The following IL1RAPL2 variants were observed in gnomAD, a reference collection of about 807,000 sequenced individuals.
IL1RAPL2 encodes the protein interleukin 1 receptor accessory protein like 2, also known as X-linked interleukin-1 receptor accessory protein-like 2.
In IL1RAPL2, 3 loss-of-function variants were observed where a neutral mutation model predicts 44.1. That is an observed-to-expected ratio of 0.07 (90% CI 0.03 to 0.18). IL1RAPL2 has a LOEUF of 0.18. Ranked by LOEUF, IL1RAPL2 falls within the 10% of genes least tolerant of loss-of-function variation. The pLI, the probability that IL1RAPL2 is intolerant of heterozygous loss-of-function variation, is 1.00. For synonymous variants in IL1RAPL2, 181 were observed against 178.8 expected (o/e 1.01, Z -0.10); for missense variants, 391 against 496.4 (o/e 0.79, Z 2.02).
intron 6 of IL1RAPL2, among the ~76,000 whole-genome samples, chrX:105,710,202 C>T (rs2038197051): frequency 1.8e-5 from 2 of 110,589 alleles, no homozygotes; most frequent in South Asian, 7.8e-4. Flanking sequence ...TTATGGGTCT[C>T]AGTCTCTCTT....
intron 5 of IL1RAPL2, among the ~76,000 whole-genome samples, chrX:105,308,737 G>T (rs1011789399): frequency 8.9e-6 from 1 of 112,380 alleles, no homozygotes; most frequent in African/African-American, 3.2e-5. Flanking sequence ...TATGAGTAAA[G>T]CTGCTATAAA....
intron 2 of IL1RAPL2, among the ~76,000 whole-genome samples, chrX:104,920,191 A>G (rs955383098): frequency 1.3e-4 from 15 of 111,374 alleles, no homozygotes; most frequent in African/African-American, 4.9e-4. Flanking sequence ...CAAGCAATCA[A>G]TTGTGCTTGA....
At chrX:105,144,415 C>T (rs1184820802) in intron 2 of IL1RAPL2, among the ~76,000 whole-genome samples, 3 of 110,971 alleles carry the variant, frequency 2.7e-5, no homozygotes, top group East Asian at 5.7e-4. Context: ...CTTTTCACTC[C>T]GTTGAATCAC....
intron 2 of IL1RAPL2, among the ~76,000 whole-genome samples, chrX:104,888,177 G>A (rs1164058786): frequency 9.1e-6 from 1 of 109,710 alleles, no homozygotes. Flanking sequence ...AGCAGCATAA[G>A]TGGTTGGCAG....
At position 104,585,320 on chromosome X, in the gene IL1RAPL2, TTA is replaced by T. The variant is rs1342781315; in HGVS notation, c.-20+18276_-20+18277del. 2.0e-3 allele frequency among the ~76,000 whole-genome samples: 41 copies of T among 20,473 alleles called. 3 individuals carry two copies. The highest frequency in any genetic ancestry group is 0.012 in the African/African-American group (30 of 2,606). 17.8% of individuals were successfully genotyped at this position (20,473 alleles called of 115,157 possible). A position where few individuals can be genotyped will look rare whatever the true frequency, so the allele number is the denominator to read the frequency against. ...TATATTATATATTATATAATATATA[TTA>T]TATATAATATATATTATATATTATA... On this transcript the variant is annotated intron_variant, in intron 1 of 10. Transcript: ENST00000372582.
intron 2 of IL1RAPL2, among the ~76,000 whole-genome samples, chrX:105,030,656 G>C (rs781474544): frequency 8.9e-6 from 1 of 111,773 alleles, no homozygotes; most frequent in Non-Finnish European, 1.9e-5. Flanking sequence ...TAGCCTTGTA[G>C]TGTAGTTTGA....
At chrX:104,632,098 G>A (rs1307943920) in intron 1 of IL1RAPL2, among the ~76,000 whole-genome samples, 1 of 111,434 alleles carries the variant, frequency 9.0e-6, no homozygotes, top group Non-Finnish European at 1.9e-5. Flanking sequence ...TTAAATAGGG[G>A]ATTGTTTCCC....
intron 7 of IL1RAPL2, among the ~76,000 whole-genome samples, chrX:105,728,912 CTT>C (rs10617025): frequency 0.042 from 4,707 of 110,761 alleles, 269 homozygotes; most frequent in African/African-American, 0.14. Flanking sequence ...AACCAATGAT[CTT>C]TTTTTAGTCT....
intron 2 of IL1RAPL2, among the ~76,000 whole-genome samples, chrX:104,777,541 AATTATTATTATTATTATTATT>A (rs376271609): frequency 6.3e-4 from 54 of 85,310 alleles, no homozygotes; most frequent in East Asian, 1.1e-3. Flanking sequence ...CTCTGCTTTC[AATTATTATTATTATTATTATT>A]ATTATTATTA....
chrX:104,724,221 A>T (rs1931741946), intron 2 of IL1RAPL2, among the ~76,000 whole-genome samples: 1 of 111,370 alleles, frequency 9.0e-6, no homozygotes, highest in South Asian at 3.7e-4. Flanking sequence ...TAAACTGATA[A>T]ATAGTCTGAG....
chrX:105,443,977 C>T (rs1348003260), intron 5 of IL1RAPL2, among the ~76,000 whole-genome samples: 1 of 112,139 alleles, frequency 8.9e-6, no homozygotes, highest in African/African-American at 3.2e-5. Flanking sequence ...CAAGGGTTCC[C>T]TTTTCTCCAC....
intron 5 of IL1RAPL2, among the ~76,000 whole-genome samples, chrX:105,361,805 A>G (rs2035250081): frequency 8.9e-6 from 1 of 111,992 alleles, no homozygotes; most frequent in Non-Finnish European, 1.9e-5. Context: ...TTTCAAGTCT[A>G]TGTAGAAGCA....
intron 5 of IL1RAPL2, among the ~76,000 whole-genome samples, chrX:105,281,577 C>T (rs994994222): frequency 9.0e-6 from 1 of 111,529 alleles, no homozygotes; most frequent in Non-Finnish European, 1.9e-5. Flanking sequence ...TTTTACTGTA[C>T]CTTTTCTATG....
At chrX:104,689,795 T>C (rs1233921680) in intron 2 of IL1RAPL2, among the ~76,000 whole-genome samples, 1 of 111,938 alleles carries the variant, frequency 8.9e-6, no homozygotes, top group Non-Finnish European at 1.9e-5. Context: ...TGCTAAGTGA[T>C]AGAACTTCAG....
In IL1RAPL2 at chrX:105,220,555, C is replaced by A; in HGVS notation, c.357-13263C>A. 4 of 490,885 alleles carry A rather than the reference C, an allele frequency of 8.1e-6. No homozygotes were observed. In the South Asian group the frequency reaches 1.4e-4, roughly 18 times the overall value. The allele number at this position is 490,885 out of a possible 1,213,427, so 40.5% of individuals were successfully genotyped here. A position where few individuals can be genotyped will look rare whatever the true frequency, so the allele number is the denominator to read the frequency against. The stretch of plus-strand genomic sequence containing the variant: ...AAGACCGTCCTAATGACCCCCTGAC[C>A]GGCTTGTCCTACCCTAGGACACCTC... On this transcript the variant is annotated intron_variant, in intron 3 of 10. Transcript: ENST00000372582.
At chrX:105,187,126 A>C (rs1556134325) in intron 2 of IL1RAPL2, among the ~76,000 whole-genome samples, 1 of 112,040 alleles carries the variant, frequency 8.9e-6, no homozygotes, top group Non-Finnish European at 1.9e-5. Context: ...CCAGGAGCCT[A>C]CGCTTACCCT....
At chrX:105,144,317 G>T (rs1464535455) in intron 2 of IL1RAPL2, among the ~76,000 whole-genome samples, 2 of 110,913 alleles carry the variant, frequency 1.8e-5, no homozygotes, top group African/African-American at 6.6e-5. Flanking sequence ...TCTTTACTAT[G>T]ATTTTTCCTC....
chrX:105,437,551 A>G (rs2035890602), intron 5 of IL1RAPL2, among the ~76,000 whole-genome samples: 1 of 111,718 alleles, frequency 9.0e-6, no homozygotes, highest in Non-Finnish European at 1.9e-5. Context: ...TACATAAAGC[A>G]TATATTCCTA....
At chrX:104,798,187 T>G (rs904011538) in intron 2 of IL1RAPL2, among the ~76,000 whole-genome samples, 1 of 111,819 alleles carries the variant, frequency 8.9e-6, no homozygotes, top group Non-Finnish European at 1.9e-5. Flanking sequence ...AAATTCTGTA[T>G]CTGAATAATG....
Sources: allele counts gnomAD v4.1 joint callset (sites outside exome capture counted in the v4.1 genomes callset), GRCh38; gene constraint gnomAD v4.1.1; transcripts MANE v1.5; gene names NCBI Gene and HGNC (gene_info 2026-07-23, HGNC 2026-07-21).